Variants in NUDCD3 observed in about 807,000 individuals in gnomAD.
NUDCD3 encodes the protein NudC domain containing 3, also known as nudC domain-containing protein 3.
A neutral mutation model predicts 39.7 loss-of-function variants in NUDCD3; 13 were observed. The ratio of observed to expected loss-of-function variants is 0.33; its 90% CI spans 0.21 to 0.52. The LOEUF (loss-of-function observed/expected upper bound fraction) is 0.52, where lower values mean the gene tolerates loss of function less well. Ranked by LOEUF, NUDCD3 falls within the 20% of genes least tolerant of loss-of-function variation. The pLI is 0.96. For synonymous variants in NUDCD3, 175 were observed against 172.4 expected, an observed-to-expected ratio of 1.02 and a Z score of -0.12; for missense variants, 453 against 458.1, an observed-to-expected ratio of 0.99 and a Z score of 0.10.
chr7:44,397,884 T>TG (rs957511176), intron 4 of NUDCD3, among the ~76,000 whole-genome samples: 1 of 152,182 alleles, frequency 6.6e-6, no homozygotes, highest in Non-Finnish European at 1.5e-5. Flanking sequence ...TCCTGCATCT[T>TG]GGGGGTCCTG....
chr7:44,486,461 A>G (rs959681908), intron 1 of NUDCD3, among the ~76,000 whole-genome samples: 5 of 152,070 alleles, frequency 3.3e-5, no homozygotes, highest in African/African-American at 9.7e-5. Flanking sequence ...TGGCAAAAGA[A>G]GTAAAAAACT....
At chr7:44,443,191 A>G (rs1799624746) in intron 2 of NUDCD3, among the ~76,000 whole-genome samples, 1 of 152,128 alleles carries the variant, frequency 6.6e-6, no homozygotes, top group Non-Finnish European at 1.5e-5. Context: ...AGTTTCTAAC[A>G]CACTCTGCAT....
At chr7:44,432,039 T>C (rs1467251361) in intron 2 of NUDCD3, among the ~76,000 whole-genome samples, 2 of 152,114 alleles carry the variant, frequency 1.3e-5, no homozygotes, top group Non-Finnish European at 2.9e-5. Context: ...TCTCAGCGAT[T>C]TGGGAGGCCA....
intron 2 of NUDCD3, among the ~76,000 whole-genome samples, chr7:44,466,735 C>G (rs1334991707): frequency 6.6e-6 from 1 of 152,220 alleles, no homozygotes; most frequent in East Asian, 1.9e-4. Flanking sequence ...GCTAGTCCTA[C>G]CTACCCACTT....
Position 44,380,187 on chromosome 7 carries a change from C to A in NUDCD3, c.*5824G>T, listed in dbSNP as rs1432308180. 6.6e-6 allele frequency: 1 copy of A among 152,260 alleles called. No individual in the cohort carries two copies. The highest frequency in any genetic ancestry group is 6.5e-5 in the Admixed American group (1 of 15,282). 9.4% of individuals were successfully genotyped at this position (152,260 alleles called of 1,614,324 possible). ...AGGCCAGGGAGGACAAGCTGTGGAC[C>A]TAACAGGTGACCACTGTCCAGACAA... is the stretch of plus-strand genomic sequence containing the variant. On this transcript the variant is annotated 3_prime_UTR_variant, in exon 6 of 6. Transcript: ENST00000355451.
intron 4 of NUDCD3, chr7:44,402,612 T>C (rs909852350): frequency 2.2e-6 from 1 of 456,404 alleles, no homozygotes; most frequent in Non-Finnish European, 4.4e-6. Flanking sequence ...ATCTAAAAAG[T>C]GCAACCGGAC....
intron 3 of NUDCD3, among the ~76,000 whole-genome samples, chr7:44,416,833 C>G (rs1799034611): frequency 6.6e-6 from 1 of 152,220 alleles, no homozygotes; most frequent in Non-Finnish European, 1.5e-5. Context: ...CCAGAGCAAG[C>G]CTTGATTGTG....
chr7:44,427,829 C>T (rs1799268190), intron 2 of NUDCD3, 126 bp from the exon 3 acceptor site: 1 of 932,796 alleles, frequency 1.1e-6, no homozygotes, highest in African/African-American at 1.7e-5. Context: ...CTCAAGTTCA[C>T]TGGCTCTGGC....
At chr7:44,395,546 C>A (rs1470794925) in intron 4 of NUDCD3, among the ~76,000 whole-genome samples, 3 of 152,210 alleles carry the variant, frequency 2.0e-5, no homozygotes, top group African/African-American at 7.2e-5. Flanking sequence ...ATCAGTCACT[C>A]CCCATTTGCT....
intron 4 of NUDCD3, among the ~76,000 whole-genome samples, chr7:44,401,920 C>A (rs994386282): frequency 6.6e-6 from 1 of 152,198 alleles, no homozygotes; most frequent in Non-Finnish European, 1.5e-5. Context: ...AGGCACAGCT[C>A]CCCCAACCTC....
At position 44,490,590 on chromosome 7, in the gene NUDCD3, C is replaced by T. The variant is rs1382050170; in HGVS notation, c.11G>A (p.Gly4Glu). 1 of 1,608,072 alleles carries T rather than the reference C, an allele frequency of 6.2e-7. No individual in the cohort carries two copies. Among genetic ancestry groups the T allele is most frequent in the Non-Finnish European group, 8.5e-7 (1 of 1,177,426 alleles). The change falls in exon 1 of 6, where the codon GGG (glycine) becomes GAG (glutamate). Residue 4 changes from glycine to glutamate, a missense_variant. By Grantham distance (98) the Gly-to-Glu change is moderately conservative (BLOSUM62 -2). Transcript: ENST00000355451. The stretch of plus-strand genomic sequence containing the variant: ...GGCCTGGTCATACAGCTCGGCCGCC[C>T]CTGTCTCCATGTCGCCTCCCGCCCT... MET[G>E]AAELYDQALL... is the part of the protein sequence containing the mutation.
At position 44,427,672 on chromosome 7, in the gene NUDCD3, T is replaced by C. The variant is rs1242290336; in HGVS notation, c.541A>G (p.Ser181Gly). The C allele has an allele frequency of 2.5e-6, 4 of 1,613,302 alleles. No homozygotes were observed. Among genetic ancestry groups the C allele is most frequent in the South Asian group, 1.1e-5 (1 of 91,026 alleles). The change falls in exon 3 of 6, where the codon AGT becomes GGT. Residue 181 changes from serine (S) to glycine (G), a missense_variant. Transcript: ENST00000355451. ...TTCTCTCGGACAGCACCATTGTAACTGTCGGGATTTTTCTGGAACTGCTCC... is the reference window on the plus strand; with the variant it reads ...TTCTCTCGGACAGCACCATTGTAACCGTCGGGATTTTTCTGGAACTGCTCC... ...IQEQFQKNPD[S>G]YNGAVRENYT... is the part of the protein sequence containing the mutation.
At chr7:44,419,800 C>T (rs1799103854) in intron 3 of NUDCD3, among the ~76,000 whole-genome samples, 1 of 151,646 alleles carries the variant, frequency 6.6e-6, no homozygotes, top group South Asian at 2.1e-4. Flanking sequence ...ACAACATCAA[C>T]ATCAAAAAAA....
chr7:44,432,957 C>T (rs150136906), intron 2 of NUDCD3, among the ~76,000 whole-genome samples: 26 of 152,262 alleles, frequency 1.7e-4, no homozygotes, highest in African/African-American at 5.8e-4. Flanking sequence ...ATCCTAACCC[C>T]GAAGGTGATG....
intron 2 of NUDCD3, among the ~76,000 whole-genome samples, chr7:44,433,641 A>AC (rs2116911569): frequency 6.6e-6 from 1 of 152,282 alleles, no homozygotes; most frequent in South Asian, 2.1e-4. Context: ...GTATGAGGCA[A>AC]CCAGCAGACA....
chr7:44,456,223 A>G (rs889386020), intron 2 of NUDCD3, among the ~76,000 whole-genome samples: 4 of 151,922 alleles, frequency 2.6e-5, no homozygotes, highest in Non-Finnish European at 5.9e-5. Flanking sequence ...GACACAGGAT[A>G]TAGGAAAAAA....
intron 4 of NUDCD3, among the ~76,000 whole-genome samples, chr7:44,393,010 G>A (rs1056449502): frequency 2.5e-4 from 38 of 152,032 alleles, no homozygotes; most frequent in African/African-American, 8.7e-4. Flanking sequence ...GGTAAGCTGG[G>A]ACCTATGAGA....
intron 3 of NUDCD3, among the ~76,000 whole-genome samples, chr7:44,421,073 C>T (rs7811638): frequency 0.077 from 11,648 of 152,236 alleles, 618 homozygotes; most frequent in Non-Finnish European, 0.12. Flanking sequence ...GTGGCTCACA[C>T]CTGTAATCCC....
At chr7:44,451,365 A>C (rs1265901234) in intron 2 of NUDCD3, among the ~76,000 whole-genome samples, 1 of 152,176 alleles carries the variant, frequency 6.6e-6, no homozygotes, top group East Asian at 1.9e-4. Context: ...ATGGGTACAG[A>C]GTTTCAGTTT....
Sources: allele counts gnomAD v4.1 joint callset (sites outside exome capture counted in the v4.1 genomes callset), GRCh38; gene constraint gnomAD v4.1.1; transcripts MANE v1.5; gene names NCBI Gene and HGNC (gene_info 2026-07-23, HGNC 2026-07-21).